The following GAR1 variants were observed in gnomAD, a reference collection of about 807,000 sequenced individuals.
The protein encoded by GAR1 is GAR1 ribonucleoprotein.
In GAR1, 11 loss-of-function variants were observed where a neutral mutation model predicts 29.3. The ratio of observed to expected loss-of-function variants is 0.38; its 90% CI spans 0.24 to 0.62. The LOEUF is 0.62. Ranked by LOEUF, GAR1 falls within the 20% of genes least tolerant of loss-of-function variation. The probability of loss-of-function intolerance (pLI) is 0.62; values close to 1 mark genes in which losing one functional copy is unlikely to be tolerated. For synonymous variants in GAR1, 87 were observed against 93.3 expected (o/e 0.93, Z 0.39); for missense variants, 237 against 268.4 (o/e 0.88, Z 0.82).
At chr4:109,823,700 T>G (rs189892437) in intron 5 of GAR1, among the ~76,000 whole-genome samples, 52 of 152,244 alleles carry the variant, frequency 3.4e-4, no homozygotes, top group African/African-American at 1.2e-3. Flanking sequence ...CTTTAACAAG[T>G]TTTTCTAATT....
Position 109,818,058 on chromosome 4 carries a change from G to T in GAR1, c.337G>T (p.Val113Leu). ...AGAAAACAAAGAACAAATTGGAAAA[G>T]TGGATGAAATATTTGGACAACTCAG... ...YLENKEQIGK[V>L]DEIFGQLRDF... Residue 113 changes from valine to leucine, a missense_variant, in exon 3 of 7, where the codon GTG becomes TTG. Physicochemically the swap from Val to Leu is conservative, Grantham distance 32. Coordinates refer to ENST00000226796, the MANE Select transcript of GAR1 (RefSeq NM_018983.4). 6.2e-7 allele frequency: 1 copy of T among 1,606,478 alleles called. No homozygotes were observed. The highest frequency in any genetic ancestry group is 1.1e-5 in the South Asian group (1 of 89,026).
chr4:109,816,731 C>T (rs116184405), intron 2 of GAR1, among the ~76,000 whole-genome samples: 2,647 of 152,202 alleles, frequency 0.017, 26 homozygotes, highest in Non-Finnish European at 0.026. Context: ...CGGTGGCTCA[C>T]GCCTGTAATC....
At chr4:109,819,965 C>T (rs1733468107) in intron 4 of GAR1, among the ~76,000 whole-genome samples, 1 of 152,092 alleles carries the variant, frequency 6.6e-6, no homozygotes, top group Admixed American at 6.6e-5. Flanking sequence ...AGAGTTTAGA[C>T]CTTAGTTTCA....
rs80246335 is a variant in GAR1, at chr4:109,823,262, A to G, written c.572-703A>G. Among the ~76,000 whole-genome samples the G allele has an allele frequency of 1.8e-3, 270 of 152,292 alleles. 2 individuals carry two copies. The highest frequency in any genetic ancestry group is 6.2e-3 in the African/African-American group (257 of 41,562). Reference sequence around the variant, plus strand: ...GAGGAGCTGAAAGTTGGGCTTGGACAGCTTTTGTTACTGGATCAGAAAAAG... The same window carrying G: ...GAGGAGCTGAAAGTTGGGCTTGGACGGCTTTTGTTACTGGATCAGAAAAAG... On this transcript the variant is annotated intron_variant, in intron 5 of 6. Coordinates refer to ENST00000226796, the MANE Select transcript of GAR1 (RefSeq NM_018983.4).
At chr4:109,820,181 C>T (rs535939930) in intron 4 of GAR1, among the ~76,000 whole-genome samples, 1 of 152,120 alleles carries the variant, frequency 6.6e-6, no homozygotes, top group African/African-American at 2.4e-5. Flanking sequence ...ATGAAAGATA[C>T]AGGAAGTAGA....
Position 109,819,337 on chromosome 4 carries a change from T to C in GAR1, c.429+277T>C, listed in dbSNP as rs75248160. ...TTTTGTTTATGTAAAACTCTCTTAT[T>C]GAAAAGCTTTCATGACCAAACATTC... On this transcript the variant is annotated intron_variant, in intron 4 of 6. Coordinates refer to ENST00000226796, the MANE Select transcript of GAR1 (RefSeq NM_018983.4). 5.8e-5 allele frequency: 24 copies of C among 410,620 alleles called. No homozygotes were observed. The East Asian group carries it at 1.3e-3, about 23-fold the overall frequency. 25.4% of individuals were successfully genotyped at this position (410,620 alleles called of 1,614,324 possible).
intron 3 of GAR1, among the ~76,000 whole-genome samples, chr4:109,818,307 A>G (rs1733407569): frequency 1.3e-5 from 2 of 152,168 alleles, no homozygotes; most frequent in Admixed American, 1.3e-4. Flanking sequence ...GGAAAATTCT[A>G]TTAATGATGG....
intron 5 of GAR1, among the ~76,000 whole-genome samples, chr4:109,823,377 T>G (rs1038718660): frequency 6.6e-6 from 1 of 152,154 alleles, no homozygotes; most frequent in African/African-American, 2.4e-5. Context: ...GGTAGGAAAA[T>G]TCTCAGGGGT....
intron 5 of GAR1, 178 bp downstream of exon 5, chr4:109,822,666 A>G: frequency 1.8e-6 from 1 of 570,374 alleles, no homozygotes; most frequent in East Asian, 3.4e-5. Context: ...AACTTACTTA[A>G]AAAGAAGAAA....
At chr4:109,816,764 C>G (rs965970938) in intron 2 of GAR1, among the ~76,000 whole-genome samples, 31 of 152,062 alleles carry the variant, frequency 2.0e-4, no homozygotes, top group African/African-American at 7.5e-4. Flanking sequence ...GAAGCTAAGA[C>G]GGGAGGATCT....
chr4:109,817,178 G>C (rs1733377452), intron 2 of GAR1, among the ~76,000 whole-genome samples: 1 of 152,142 alleles, frequency 6.6e-6, no homozygotes, highest in African/African-American at 2.4e-5. Flanking sequence ...GACCTTGAGA[G>C]CCTGAATCAG....
chr4:109,822,392 C>T lies in GAR1; in HGVS notation c.475C>T (p.Pro159Ser), dbSNP rs1341167575. Residue 159 changes from proline to serine, a missense_variant, in exon 5 of 7, where the codon CCT becomes TCT. Transcript: ENST00000226796. ...YKLLPLQRFL[P>S]RPPGEKGPPR... The stretch of plus-strand genomic sequence containing the variant: ...GCTGCTGCCACTGCAGAGGTTTTTA[C>T]CTCGACCTCCAGGTGAGAAAGGACC... 6.2e-7 allele frequency: 1 copy of T among 1,609,626 alleles called. No homozygotes were observed. Among genetic ancestry groups the T allele is most frequent in the South Asian group, 1.1e-5 (1 of 90,576 alleles).
At chr4:109,819,261 TACA>T (rs1410906191) in intron 4 of GAR1, 1 of 570,922 alleles carries the variant, frequency 1.8e-6, no homozygotes, top group African/African-American at 1.9e-5. Context: ...AAGTAAAAAT[TACA>T]ACTTTTGCTC....
chr4:109,817,906 A>G (rs369569144), intron 2 of GAR1, 30 bp from the exon 3 acceptor site: 22 of 1,573,756 alleles, frequency 1.4e-5, no homozygotes, highest in African/African-American at 5.5e-5. Context: ...AAATAGTTCT[A>G]TGTTTTAACA....
chr4:109,824,044 TA>T lies in GAR1; in HGVS notation c.640+16del, dbSNP rs1293777872. On this transcript the variant is annotated intron_variant, in intron 6 of 6. Transcript: ENST00000226796. The stretch of plus-strand genomic sequence containing the variant: ...GTGGTGGTTTCAGAGGTGAGTATTT[TA>T]AAAAGTCTTTAAATTGCTTAATGTT... 6 of 1,549,232 alleles carry T rather than the reference TA, an allele frequency of 3.9e-6. No individual in the cohort carries two copies. The highest frequency in any genetic ancestry group is 5.3e-6 in the Non-Finnish European group (6 of 1,125,654).
At position 109,819,190 on chromosome 4, in the gene GAR1, C is replaced by G. The variant is rs751630929; in HGVS notation, c.429+130C>G. On this transcript the variant is annotated intron_variant, in intron 4 of 6. Coordinates refer to ENST00000226796, the MANE Select transcript of GAR1 (RefSeq NM_018983.4). ...GTAAAGCTCTTAAATTGAAATGTTC[C>G]ATGCTATAAATATTGAACACACTAA... 4.7e-5 allele frequency: 34 copies of G among 727,852 alleles called. No individual in the cohort carries two copies. In the African/African-American group the frequency reaches 5.1e-4, roughly 11 times the overall value. The allele number at this position is 727,852 out of a possible 1,614,324, so 45.1% of individuals were successfully genotyped here.
At chr4:109,816,435 G>A in intron 2 of GAR1, 57 bp downstream of exon 2, 2 of 1,531,160 alleles carry the variant, frequency 1.3e-6, no homozygotes, top group South Asian at 2.2e-5. Context: ...TTGGGGGTTT[G>A]TGTTGTTAGG....
intron 3 of GAR1, 136 bp downstream of exon 3, chr4:109,818,226 A>G (rs2125888730): frequency 1.6e-6 from 1 of 639,708 alleles, no homozygotes; most frequent in Non-Finnish European, 2.7e-6. Flanking sequence ...ACCATGAAGG[A>G]GAATCAAGGG....
chr4:109,822,025 G>A (rs916401909), intron 4 of GAR1, among the ~76,000 whole-genome samples: 11 of 151,922 alleles, frequency 7.2e-5, no homozygotes, highest in Admixed American at 2.6e-4. Flanking sequence ...GAGAGCAATA[G>A]GGCAAATACC....
Sources: gnomAD v4.1 joint callset for allele counts (sites outside exome capture counted in the v4.1 genomes callset) on GRCh38, gnomAD v4.1.1 for gene constraint, MANE v1.5 for transcripts, NCBI Gene and HGNC (gene_info 2026-07-23, HGNC 2026-07-21) for gene names.